Variants in NCOA3 observed in about 807,000 individuals in gnomAD.
NCOA3 encodes nuclear receptor coactivator 3.
In NCOA3, 51 loss-of-function variants were observed where a neutral mutation model predicts 158.8. The ratio of observed to expected loss-of-function variants is 0.32; its 90% CI spans 0.26 to 0.41. The LOEUF (loss-of-function observed/expected upper bound fraction) is 0.41. NCOA3 is among the 10% of genes least tolerant of loss of function. The pLI is 1.00. For missense variants in NCOA3, 1,510 were observed against 1,746.6 expected, an observed-to-expected ratio of 0.86 and a Z score of 2.41; for synonymous variants, 537 against 592.4, an observed-to-expected ratio of 0.91 and a Z score of 1.36.
At chr20:47,646,845 AG>A (rs1365104990) in intron 17 of NCOA3, among the ~76,000 whole-genome samples, 1 of 152,220 alleles carries the variant, frequency 6.6e-6, no homozygotes, top group East Asian at 1.9e-4. Flanking sequence ...TTAGCACAGC[AG>A]GTTGTTCTCT....
In NCOA3 at chr20:47,586,391, A is replaced by G. The variant is rs2085536462; in HGVS notation, c.-20+3130A>G. 2.0e-5 allele frequency among the ~76,000 whole-genome samples: 3 copies of G among 151,234 alleles called. No individual in the cohort carries two copies. The South Asian group carries it at 6.3e-4, about 32-fold the overall frequency. On this transcript the variant is annotated intron_variant, in intron 2 of 22. Transcript: ENST00000371998. ...TTTCTACCCACGTAAACACACACAC[A>G]ATTTTTTTTTTTAACCATTTGAGGG...
chr20:47,594,838 CTG>C (rs1602456185), intron 2 of NCOA3, among the ~76,000 whole-genome samples: 1 of 128,836 alleles, frequency 7.8e-6, no homozygotes, highest in African/African-American at 3.0e-5. Context: ...GCCGCCCAGT[CTG>C]GAGCGCAGTA....
intron 17 of NCOA3, 91 bp downstream of exon 17, chr20:47,642,475 T>G: frequency 1.2e-6 from 1 of 849,510 alleles, no homozygotes; most frequent in Non-Finnish European, 1.6e-6. Context: ...AATGCCTGTG[T>G]GTGTCTCTCC....
At chr20:47,521,347 C>CT (rs57595765) in intron 1 of NCOA3, among the ~76,000 whole-genome samples, 5,455 of 148,310 alleles carry the variant, frequency 0.037, 266 homozygotes, top group African/African-American at 0.12. Context: ...ATAAGATTTT[C>CT]TTTTTTTTTT....
At chr20:47,640,162 GTACTGGGTTGCCAGCTGGGCAT>G in intron 16 of NCOA3, 111 bp downstream of exon 16, 2 of 1,431,164 alleles carry the variant, frequency 1.4e-6, no homozygotes, top group East Asian at 4.6e-5. Context: ...TATAATTGAG[GTACTGGGTTGCCAGCTGGGCAT>G]TTCTCGTGTA....
At chr20:47,645,547 T>C (rs2086673758) in intron 17 of NCOA3, among the ~76,000 whole-genome samples, 1 of 152,118 alleles carries the variant, frequency 6.6e-6, no homozygotes. Context: ...TGTTGCGTTA[T>C]TAGTGTTTTA....
chr20:47,612,041 G>C (rs1189770409), intron 2 of NCOA3, among the ~76,000 whole-genome samples: 1 of 152,152 alleles, frequency 6.6e-6, no homozygotes, highest in African/African-American at 2.4e-5. Context: ...TGCCCAGGCT[G>C]GTCTTGAAGT....
In NCOA3 at chr20:47,584,025, A is replaced by G. The variant is rs2085494344; in HGVS notation, c.-20+764A>G. Among the ~76,000 whole-genome samples, 6 of 152,186 alleles carry G rather than the reference A, an allele frequency of 3.9e-5. No individual in the cohort carries two copies. In the South Asian group the frequency reaches 1.2e-3, roughly 32 times the overall value. On this transcript the variant is annotated intron_variant, in intron 2 of 22. Transcript: ENST00000371998. ...AGGCTGGACATGGTGGCTCACTCATATGCTCACAACTATGATCCTAGCACT... is the reference window on the plus strand; with the variant it reads ...AGGCTGGACATGGTGGCTCACTCATGTGCTCACAACTATGATCCTAGCACT...
chr20:47,547,544 C>G (rs750891551), intron 1 of NCOA3, among the ~76,000 whole-genome samples: 5 of 151,908 alleles, frequency 3.3e-5, no homozygotes, highest in Non-Finnish European at 5.9e-5. Context: ...TCCTGAGTAG[C>G]TGGGACTACA....
chr20:47,594,865 C>T (rs2085726025), intron 2 of NCOA3, among the ~76,000 whole-genome samples: 1 of 147,688 alleles, frequency 6.8e-6, no homozygotes, highest in South Asian at 2.1e-4. Flanking sequence ...GATCTCAGCT[C>T]ACTGCAACCT....
Position 47,634,102 on chromosome 20 carries a change from G to C in NCOA3, c.1019G>C (p.Gly340Ala). 6.2e-7 allele frequency: 1 copy of C among 1,614,054 alleles called. No individual in the cohort carries two copies. Among genetic ancestry groups the C allele is most frequent in the Non-Finnish European group, 8.5e-7 (1 of 1,180,002 alleles). ...GTATATCGATTCTCGTTGGCTGATG[G>C]AACTATAGTGACTGCACAGACAAAA... ...TPVYRFSLAD[G>A]TIVTAQTKSK... is the part of the protein sequence containing the mutation. Residue 340 changes from glycine (G) to alanine (A), a missense_variant, in exon 10 of 23, where the codon GGA (glycine) becomes GCA (alanine). Transcript: ENST00000371998.
intron 1 of NCOA3, among the ~76,000 whole-genome samples, chr20:47,570,531 T>C (rs1301918625): frequency 6.6e-6 from 1 of 152,222 alleles, no homozygotes; most frequent in Non-Finnish European, 1.5e-5. Context: ...AGATTCCATG[T>C]CTTTTCCTAT....
rs2083938777 is a variant in NCOA3 at position 47,501,949 on chromosome 20, C to T, written c.-169C>T. 2.5e-6 allele frequency: 1 copy of T among 400,842 alleles called. No homozygotes were observed. The highest frequency in any genetic ancestry group is 4.4e-6 in the Non-Finnish European group (1 of 227,648). 24.8% of individuals were successfully genotyped at this position (400,842 alleles called of 1,614,324 possible). On this transcript the variant is annotated 5_prime_UTR_variant, in exon 1 of 23. Transcript: ENST00000371998. ...CGGCTGCGGCTTAGTCGGTGGCGGC[C>T]GGCGGCGGCTGCGGGCTGAGCGGCG...
At position 47,653,482 on chromosome 20, in the gene NCOA3, G is replaced by T; in HGVS notation, c.*65G>T. The stretch of plus-strand genomic sequence containing the variant: ...AATGACACTGCACTAGGATTATTGG[G>T]AAGGAATCATTGTTCCAGGCATCCA... On this transcript the variant is annotated 3_prime_UTR_variant, in exon 23 of 23. Coordinates refer to ENST00000371998, the MANE Select transcript of NCOA3 (RefSeq NM_181659.3). 6.4e-7 allele frequency: 1 copy of T among 1,555,208 alleles called. No homozygotes were observed. The highest frequency in any genetic ancestry group is 8.8e-7 in the Non-Finnish European group (1 of 1,136,476).
At chr20:47,602,312 G>T (rs994539583) in intron 2 of NCOA3, among the ~76,000 whole-genome samples, 1 of 152,120 alleles carries the variant, frequency 6.6e-6, no homozygotes, top group African/African-American at 2.4e-5. Context: ...TTATATTGCT[G>T]TTCTCTTTGC....
intron 1 of NCOA3, among the ~76,000 whole-genome samples, chr20:47,568,563 A>C (rs2085237953): frequency 6.6e-6 from 1 of 152,144 alleles, no homozygotes; most frequent in African/African-American, 2.4e-5. Context: ...GGGGAAGCTA[A>C]GGCAGGTGGA....
rs550782595 is a variant in NCOA3 at position 47,519,075 on chromosome 20, G to T, written c.-99+17056G>T. 3.3e-5 allele frequency among the ~76,000 whole-genome samples: 5 copies of T among 151,690 alleles called. No individual in the cohort carries two copies. The East Asian group carries it at 9.7e-4, about 29-fold the overall frequency. On this transcript the variant is annotated intron_variant, in intron 1 of 22. Coordinates refer to ENST00000371998, the MANE Select transcript of NCOA3 (RefSeq NM_181659.3). Reference sequence around the variant, plus strand: ...CGCTTGAACCTGGGAAGTGGAGGTTGCAGTGAGCCGAGATTGTGCCACTGC... The same window carrying T: ...CGCTTGAACCTGGGAAGTGGAGGTTTCAGTGAGCCGAGATTGTGCCACTGC...
At chr20:47,646,422 TG>T (rs1198465951) in intron 17 of NCOA3, among the ~76,000 whole-genome samples, 1 of 152,042 alleles carries the variant, frequency 6.6e-6, no homozygotes, top group African/African-American at 2.4e-5. Flanking sequence ...CAAGCCTGCT[TG>T]GGGGGAAGGG....
intron 21 of NCOA3, 57 bp from the exon 22 acceptor site, chr20:47,652,874 T>C (rs1230817193): frequency 6.3e-7 from 1 of 1,580,606 alleles, no homozygotes; most frequent in Non-Finnish European, 8.7e-7. Flanking sequence ...TCTGTGGGCA[T>C]GCCCTTTGTC....
Sources: allele counts gnomAD v4.1 joint callset (sites outside exome capture counted in the v4.1 genomes callset), GRCh38; gene constraint gnomAD v4.1.1; transcripts MANE v1.5; gene names NCBI Gene and HGNC (gene_info 2026-07-23, HGNC 2026-07-21).